The following PTPRN2 variants were observed in gnomAD, a reference collection of about 807,000 sequenced individuals.
The protein encoded by PTPRN2 is protein tyrosine phosphatase receptor type N2.
A neutral mutation model predicts 118.8 loss-of-function variants in PTPRN2; 74 were observed. The observed-to-expected ratio is 0.62, with a 90% confidence interval of 0.52 to 0.76. The LOEUF (loss-of-function observed/expected upper bound fraction) is 0.76, where lower values mean the gene tolerates loss of function less well. PTPRN2 is among the 30% of genes least tolerant of loss of function. The pLI is 0.00. For synonymous variants in PTPRN2, 641 were observed against 608.0 expected (o/e 1.05, Z -0.80); for missense variants, 1,481 against 1,394.4 (o/e 1.06, Z -0.99).
intron 13 of PTPRN2, among the ~76,000 whole-genome samples, chr7:157,679,582 T>C (rs1326305754): frequency 6.6e-6 from 1 of 152,230 alleles, no homozygotes; most frequent in African/African-American, 2.4e-5. Flanking sequence ...GTGTTTGCAT[T>C]AGAAGCTAGT....
chr7:158,453,868 G>A (rs958390921), intron 2 of PTPRN2, among the ~76,000 whole-genome samples: 1 of 152,136 alleles, frequency 6.6e-6, no homozygotes, highest in Non-Finnish European at 1.5e-5. Flanking sequence ...TCTAGGTGGG[G>A]ACAGACAAGA....
At chr7:158,390,554 G>A (rs548011004) in intron 2 of PTPRN2, among the ~76,000 whole-genome samples, 5 of 152,234 alleles carry the variant, frequency 3.3e-5, no homozygotes, top group Admixed American at 2.0e-4. Flanking sequence ...GGAGGGCCTC[G>A]GCCAAGGTAG....
At chr7:158,150,958 C>A (rs994704555) in intron 6 of PTPRN2, among the ~76,000 whole-genome samples, 40 of 151,954 alleles carry the variant, frequency 2.6e-4, no homozygotes, top group African/African-American at 9.7e-4. Flanking sequence ...TCTGTGCATC[C>A]CACCCTGCTT....
intron 2 of PTPRN2, among the ~76,000 whole-genome samples, chr7:158,407,403 C>T (rs375595632): frequency 4.0e-5 from 1 of 25,006 alleles, no homozygotes; most frequent in Non-Finnish European, 7.2e-5. Flanking sequence ...CTGGGTCCTG[C>T]GTCCTGGGTC....
rs756652403 is a variant in PTPRN2 at position 157,682,768 on chromosome 7, C to G, written c.1958G>C (p.Gly653Ala). 2 of 1,614,070 alleles carry G rather than the reference C, an allele frequency of 1.2e-6. No homozygotes were observed. The highest frequency in any genetic ancestry group is 2.2e-5 in the South Asian group (2 of 91,084). Residue 653 changes from glycine to alanine, a missense_variant, in exon 13 of 23, where the codon GGA (glycine) becomes GCA (alanine). By Grantham distance (60) the Gly-to-Ala change is moderately conservative. Transcript: ENST00000389418. ...ATCTGCACCTGGGTCGCCCCCTAGT[C>G]CCGAGAGCTTCTCCTTCAGCCTGTG... ...SQHRLKEKLS[G>A]LGGDPGADAT...
At chr7:158,288,593 C>T (rs147007598) in intron 3 of PTPRN2, among the ~76,000 whole-genome samples, 24 of 152,268 alleles carry the variant, frequency 1.6e-4, no homozygotes, top group African/African-American at 5.8e-4. Context: ...CCACCCCACG[C>T]ATAAACTTTA....
At chr7:157,771,834 G>C (rs1360637789) in intron 12 of PTPRN2, among the ~76,000 whole-genome samples, 2 of 102,616 alleles carry the variant, frequency 1.9e-5, no homozygotes, top group African/African-American at 5.5e-5. Context: ...GAAACACACA[G>C]ACACAAGACA....
intron 2 of PTPRN2, among the ~76,000 whole-genome samples, chr7:158,326,252 GGCCAGTGA>G (rs1803514396): frequency 6.6e-6 from 1 of 152,216 alleles, no homozygotes; most frequent in South Asian, 2.1e-4. Flanking sequence ...TCACCCAGGT[GGCCAGTGA>G]GCACCAAGCA....
In PTPRN2 at chr7:157,630,460, G is replaced by T. The variant is rs1803873537; in HGVS notation, c.2197-8951C>A. Reference sequence around the variant, plus strand: ...AAAGCAATGCCCACAACGTGAGGCGGCAGGGAGTGAACCGGCTTCTTCACC... The same window carrying T: ...AAAGCAATGCCCACAACGTGAGGCGTCAGGGAGTGAACCGGCTTCTTCACC... On this transcript the variant is annotated intron_variant, in intron 14 of 22. Coordinates refer to ENST00000389418, the MANE Select transcript of PTPRN2 (RefSeq NM_002847.5). 2.0e-5 allele frequency among the ~76,000 whole-genome samples: 3 copies of T among 152,320 alleles called. No homozygotes were observed. In the South Asian group the frequency reaches 6.2e-4, roughly 32 times the overall value.
At chr7:158,077,553 TATGAGCCACACCCCCACCACA>T (rs1563401899) in intron 11 of PTPRN2, among the ~76,000 whole-genome samples, 1,008 of 28,814 alleles carry the variant, frequency 0.035, 4 homozygotes, top group African/African-American at 0.087. Flanking sequence ...AGGAGCCCCC[TATGAGCCACACCCCCACCACA>T]CAGGGCTGAG....
chr7:158,111,443 G>C (rs1816268013), intron 9 of PTPRN2, among the ~76,000 whole-genome samples: 1 of 152,134 alleles, frequency 6.6e-6, no homozygotes, highest in Non-Finnish European at 1.5e-5. Flanking sequence ...AAGGCCACCT[G>C]GCTGGGGACC....
intron 14 of PTPRN2, among the ~76,000 whole-genome samples, chr7:157,640,183 G>C (rs761819258): frequency 6.6e-6 from 1 of 152,206 alleles, no homozygotes; most frequent in East Asian, 1.9e-4. Flanking sequence ...ATGATTGAAG[G>C]TGTTAAAGTA....
chr7:158,245,706 T>C (rs780054348), intron 3 of PTPRN2, among the ~76,000 whole-genome samples: 5 of 152,160 alleles, frequency 3.3e-5, no homozygotes, highest in Non-Finnish European at 5.9e-5. Context: ...CCTCTGGCAG[T>C]TTCCCCAGGA....
At position 158,294,588 on chromosome 7, in the gene PTPRN2, G is replaced by A. The variant is rs574209376; in HGVS notation, c.277+22231C>T. 4.1e-4 allele frequency among the ~76,000 whole-genome samples: 62 copies of A among 152,304 alleles called. 2 individuals are homozygous for A. In the South Asian group the frequency reaches 0.012, roughly 31 times the overall value. ...CCCTGAGCAACAGCATCAGACATGC[G>A]TGTGCCTCTGACACAGGAGGATGCG... On this transcript the variant is annotated intron_variant, in intron 3 of 22. Coordinates refer to ENST00000389418, the MANE Select transcript of PTPRN2 (RefSeq NM_002847.5).
intron 3 of PTPRN2, among the ~76,000 whole-genome samples, chr7:158,270,603 G>C (rs1798248119): frequency 6.6e-6 from 1 of 152,072 alleles, no homozygotes. Flanking sequence ...AGTCCTTTCA[G>C]GGCAGTAATA....
chr7:158,159,912 A>C (rs73173642), intron 6 of PTPRN2, among the ~76,000 whole-genome samples: 15,038 of 135,346 alleles, frequency 0.11, 779 homozygotes, highest in African/African-American at 0.13. Flanking sequence ...ATACAGTCCC[A>C]ATTGCCATAA....
At chr7:157,545,765 C>A (rs1410430083) in intron 22 of PTPRN2, among the ~76,000 whole-genome samples, 1 of 152,114 alleles carries the variant, frequency 6.6e-6, no homozygotes, top group South Asian at 2.1e-4. Context: ...TCAGGGCCTG[C>A]GGTCATCCTG....
chr7:157,873,238 C>T (rs189375446), intron 12 of PTPRN2, among the ~76,000 whole-genome samples: 5 of 152,336 alleles, frequency 3.3e-5, no homozygotes, highest in Admixed American at 1.3e-4. Context: ...CCAATGTTTC[C>T]GCCACCAGCG....
chr7:158,089,828 T>C lies in PTPRN2; in HGVS notation c.1644-8451A>G, dbSNP rs59580653. On this transcript the variant is annotated intron_variant, in intron 10 of 22. Coordinates refer to ENST00000389418, the MANE Select transcript of PTPRN2 (RefSeq NM_002847.5). The stretch of plus-strand genomic sequence containing the variant: ...ACGAAAGAGGGAGTCTTCACACACA[T>C]CCTTCCTCCCCTGATGAAAGAGGGA... 1.6e-3 allele frequency among the ~76,000 whole-genome samples: 153 copies of C among 94,894 alleles called. 4 individuals carry two copies. The highest frequency in any genetic ancestry group is 5.6e-3 in the African/African-American group (135 of 24,114). 62.3% of individuals were successfully genotyped at this position (94,894 alleles called of 152,430 possible).
Sources: allele counts gnomAD v4.1 joint callset (sites outside exome capture counted in the v4.1 genomes callset), GRCh38; gene constraint gnomAD v4.1.1; transcripts MANE v1.5; gene names NCBI Gene and HGNC (gene_info 2026-07-23, HGNC 2026-07-21).